The following DCAF12 variants were observed in gnomAD, a reference collection of about 807,000 sequenced individuals.
The protein encoded by DCAF12 is DDB1 and CUL4 associated factor 12.
DCAF12 carries 28 observed loss-of-function variants against 52.8 expected under a neutral mutation model. The ratio of observed to expected loss-of-function variants is 0.53; its 90% CI spans 0.39 to 0.73. The LOEUF (loss-of-function observed/expected upper bound fraction) is 0.73, where lower values mean the gene tolerates loss of function less well. Ranked by LOEUF, DCAF12 falls within the 30% of genes least tolerant of loss-of-function variation. DCAF12 has a pLI of 0.00. For synonymous variants in DCAF12, 196 were observed against 215.5 expected (o/e 0.91, Z 0.79); for missense variants, 425 against 552.2 (o/e 0.77, Z 2.31).
chr9:34,098,625 A>C, intron 4 of DCAF12, 108 bp from the exon 5 acceptor site: 1 of 1,219,038 alleles, frequency 8.2e-7, no homozygotes, highest in South Asian at 1.6e-5. Context: ...CATCATCCTC[A>C]TATGTGCTGA....
intron 6 of DCAF12, 65 bp downstream of exon 6, chr9:34,096,651 G>C: frequency 7.2e-7 from 1 of 1,386,948 alleles, no homozygotes; most frequent in South Asian, 1.2e-5. Flanking sequence ...AGCTCAGCTA[G>C]AATTACAGTA....
intron 2 of DCAF12, among the ~76,000 whole-genome samples, chr9:34,122,129 G>T (rs898936320): frequency 2.0e-5 from 3 of 151,804 alleles, no homozygotes; most frequent in Admixed American, 2.0e-4. Context: ...ACCATTTTTG[G>T]CTCATAGTAC....
intron 2 of DCAF12, among the ~76,000 whole-genome samples, chr9:34,108,788 G>T (rs1010958806): frequency 7.7e-6 from 1 of 130,298 alleles, no homozygotes; most frequent in Non-Finnish European, 1.7e-5. Flanking sequence ...TGTGAGACTT[G>T]GTCTCAAAAA....
chr9:34,090,972 C>T (rs766473310), intron 7 of DCAF12, among the ~76,000 whole-genome samples: 3 of 151,920 alleles, frequency 2.0e-5, no homozygotes, highest in Non-Finnish European at 4.4e-5. Context: ...TTATTCCTTT[C>T]TCTACTACTC....
chr9:34,124,466 T>C (rs1302107456), intron 2 of DCAF12, among the ~76,000 whole-genome samples: 1 of 152,250 alleles, frequency 6.6e-6, no homozygotes, highest in Non-Finnish European at 1.5e-5. Context: ...TTAAAAAGGC[T>C]ACTTTCCAAA....
chr9:34,114,681 C>T (rs1468482689), intron 2 of DCAF12, among the ~76,000 whole-genome samples: 1 of 152,092 alleles, frequency 6.6e-6, no homozygotes, highest in Non-Finnish European at 1.5e-5. Context: ...GCTCGAGGCT[C>T]GGGCTCCCTG....
At chr9:34,093,634 A>G (rs1828686141) in intron 6 of DCAF12, 186 bp from the exon 7 acceptor site, 1 of 596,430 alleles carries the variant, frequency 1.7e-6, no homozygotes, top group African/African-American at 1.9e-5. Flanking sequence ...GAATGTTAAT[A>G]AACGGTAAGA....
intron 4 of DCAF12, among the ~76,000 whole-genome samples, chr9:34,100,886 A>G (rs1325674596): frequency 4.0e-5 from 6 of 151,238 alleles, no homozygotes. Context: ...TGATCCTCAT[A>G]CCTCAGCCTC....
At chr9:34,105,276 A>T (rs573355285) in intron 4 of DCAF12, among the ~76,000 whole-genome samples, 1 of 151,866 alleles carries the variant, frequency 6.6e-6, no homozygotes, top group Admixed American at 6.6e-5. Flanking sequence ...AATCATACTA[A>T]GGCTGGGTGC....
At chr9:34,114,847 G>A (rs192918553) in intron 2 of DCAF12, among the ~76,000 whole-genome samples, 10 of 152,152 alleles carry the variant, frequency 6.6e-5, no homozygotes, top group East Asian at 1.9e-4. Context: ...GGAACCTATC[G>A]TCCCAGCTAT....
intron 8 of DCAF12, 78 bp from the exon 9 acceptor site, chr9:34,088,586 T>C: frequency 2.0e-6 from 3 of 1,529,414 alleles, no homozygotes; most frequent in South Asian, 1.1e-5. Flanking sequence ...ACAGGAATGC[T>C]TTCTGGTCTC....
chr9:34,087,790 C>A lies in DCAF12; in HGVS notation c.*560G>T, dbSNP rs1328881284. 3 of 152,196 alleles carry A rather than the reference C, an allele frequency of 2.0e-5. No homozygotes were observed. Among genetic ancestry groups the A allele is most frequent in the African/African-American group, 7.2e-5 (3 of 41,456 alleles). The allele number at this position is 152,196 out of a possible 1,614,324, so 9.4% of individuals were successfully genotyped here. A position where few individuals can be genotyped will look rare whatever the true frequency, so the allele number is the denominator to read the frequency against. On this transcript the variant is annotated 3_prime_UTR_variant, in exon 9 of 9. Transcript: ENST00000361264. ...TACAGACTAGTCCCAAAGCTGGACT[C>A]TGTGAATAAAGTTGTTTCTTTTATA...
At chr9:34,098,667 A>G (rs1828778133) in intron 4 of DCAF12, 150 bp from the exon 5 acceptor site, 3 of 631,320 alleles carry the variant, frequency 4.8e-6, no homozygotes, top group Non-Finnish European at 7.8e-6. Flanking sequence ...CTAAACACAG[A>G]GCAGTAGGCA....
intron 2 of DCAF12, among the ~76,000 whole-genome samples, chr9:34,115,597 CA>C (rs546868535): frequency 0.13 from 18,313 of 136,564 alleles, 1,398 homozygotes; most frequent in South Asian, 0.3. Flanking sequence ...GACTTCGTCT[CA>C]AAAAAAAAAA....
At chr9:34,104,972 T>A (rs995985243) in intron 4 of DCAF12, among the ~76,000 whole-genome samples, 1 of 150,934 alleles carries the variant, frequency 6.6e-6, no homozygotes, top group Non-Finnish European at 1.5e-5. Flanking sequence ...ATCTTCTAAA[T>A]GATCTCATAT....
At chr9:34,095,828 C>T (rs576165230) in intron 6 of DCAF12, 1 of 152,256 alleles carries the variant, frequency 6.6e-6, no homozygotes, top group South Asian at 2.1e-4. Context: ...TCCTAACACT[C>T]AGGATTTCCT....
intron 2 of DCAF12, among the ~76,000 whole-genome samples, chr9:34,114,248 C>G (rs1167008937): frequency 2.0e-5 from 3 of 152,142 alleles, no homozygotes; most frequent in African/African-American, 7.2e-5. Context: ...TGAATGACCT[C>G]ACTTATATGT....
chr9:34,095,372 CTTTTTT>C (rs36066422), intron 6 of DCAF12, among the ~76,000 whole-genome samples: 10 of 78,166 alleles, frequency 1.3e-4, no homozygotes, highest in Admixed American at 1.7e-4. Context: ...CGCGCCAGGC[CTTTTTT>C]TTTTTTTTTT....
At chr9:34,098,629 G>A (rs1587733217) in intron 4 of DCAF12, 112 bp from the exon 5 acceptor site, 1 of 1,184,598 alleles carries the variant, frequency 8.4e-7, no homozygotes, top group Non-Finnish European at 1.2e-6. Context: ...ATCCTCATAT[G>A]TGCTGAAGCT....
Sources: allele counts gnomAD v4.1 joint callset (sites outside exome capture counted in the v4.1 genomes callset), GRCh38; gene constraint gnomAD v4.1.1; transcripts MANE v1.5; gene names NCBI Gene and HGNC (gene_info 2026-07-23, HGNC 2026-07-21).